The following THBS3 variants were observed in gnomAD, a reference collection of about 807,000 sequenced individuals.
THBS3 encodes thrombospondin 3.
THBS3 carries 78 observed loss-of-function variants against 118.3 expected under a neutral mutation model. That is an observed-to-expected ratio of 0.66 (90% confidence interval 0.55 to 0.80). The LOEUF is 0.80. Among genes scored for constraint, THBS3 ranks in the 30% least tolerant of loss-of-function variants. The pLI is 0.00. For missense variants in THBS3, 1,057 were observed against 1,247.4 expected (o/e 0.85, Z 2.30); for synonymous variants, 427 against 475.3 (o/e 0.90, Z 1.32).
rs763010379 is a variant in THBS3 at position 155,200,070 on chromosome 1, T to C, written c.1752A>G (p.Pro584=). The C allele has an allele frequency of 3.1e-6, 5 of 1,597,728 alleles. No individual in the cohort carries two copies. The highest frequency in any genetic ancestry group is 4.3e-6 in the Non-Finnish European group (5 of 1,171,758). The change falls in exon 15 of 23, where the codon CCA becomes CCG. Residue 584 remains proline, a synonymous_variant. Transcript: ENST00000368378. ...GLDNCPKVPN[P]LQTDRDEDGV... is the part of the protein sequence containing the mutation. ...CGTCCTCATCCCTGTCTGTCTGTAG[T>C]GGGTTGGGGACTTTAGGGCAATTGT...
chr1:155,200,997 CA>C lies in THBS3; in HGVS notation c.1447del (p.Cys483AlafsTer3). 1 of 1,614,202 alleles carries C rather than the reference CA, an allele frequency of 6.2e-7. No individual in the cohort carries two copies. The highest frequency in any genetic ancestry group is 8.5e-7 in the Non-Finnish European group (1 of 1,180,046). On this transcript the variant is annotated frameshift_variant, in exon 13 of 23. Coordinates refer to ENST00000368378, the MANE Select transcript of THBS3 (RefSeq NM_007112.5). LOFTEE classifies it high-confidence loss of function. The stretch of plus-strand genomic sequence containing the variant: ...CTGCCCAGAGTTGGGTGTCAAAAGG[CA>C]GTTGTCCTAAAGTTCAGGGGAAGAG... The part of the protein sequence containing the change: ...DNNKHCKQDN[C>X]LLTPNSGQED...
In THBS3 at chr1:155,197,099, G is replaced by A. The variant is rs753293299; in HGVS notation, c.2614C>T (p.Arg872Trp). 14 of 1,614,018 alleles carry A rather than the reference G, an allele frequency of 8.7e-6. No individual in the cohort carries two copies. Among genetic ancestry groups the A allele is most frequent in the Non-Finnish European group, 1.2e-5 (14 of 1,180,030 alleles). The change falls in exon 21 of 23, where the codon CGG (arginine) becomes TGG (tryptophan). Residue 872 changes from arginine (R) to tryptophan (W), a missense_variant. Physicochemically the swap from Arg to Trp is moderately radical, Grantham distance 101. Transcript: ENST00000368378. The surrounding 1 kb of genome is among the most constrained non-coding windows in gnomAD (Gnocchi z 5.0). ...TGCCAGCGATAGGAGGTCTTGTCCC[G>A]CCAGCCCACATTTCGTGGGTCTGTC... is the stretch of plus-strand genomic sequence containing the variant. ...LWTDPRNVGW[R>W]DKTSYRWQLL...
intron 4 of THBS3, 80 bp from the exon 5 acceptor site, chr1:155,203,619 G>C: frequency 3.3e-6 from 5 of 1,538,348 alleles, no homozygotes; most frequent in Non-Finnish European, 4.5e-6. Flanking sequence ...AGGAAGGAAG[G>C]TGAGGACAGG....
chr1:155,208,698 C>G, upstream of THBS3: 2 of 1,218,748 alleles, frequency 1.6e-6, no homozygotes, highest in Non-Finnish European at 2.2e-6. Context: ...CTCCCCCACC[C>G]AAGCCCCAGC....
chr1:155,209,000 C>T (rs1307007028), upstream of THBS3: 7 of 1,595,018 alleles, frequency 4.4e-6, no homozygotes, highest in East Asian at 1.6e-4. Context: ...CTCTCCGAGG[C>T]GCGCCGGGCC....
At position 155,197,816 on chromosome 1, in the gene THBS3, C is replaced by T; in HGVS notation, c.2302+64G>A. On this transcript the variant is annotated intron_variant, in intron 19 of 22. Coordinates refer to ENST00000368378, the MANE Select transcript of THBS3 (RefSeq NM_007112.5). The surrounding 1 kb of genome is among the most constrained non-coding windows in gnomAD (Gnocchi z 5.0). ...CCATTCTCCCTGTCTGTTTCCTCCCCTACCCTCTGCCCCTATAGGATTCCT... is the reference window on the plus strand; with the variant it reads ...CCATTCTCCCTGTCTGTTTCCTCCCTTACCCTCTGCCCCTATAGGATTCCT... 3 of 1,611,000 alleles carry T rather than the reference C, an allele frequency of 1.9e-6. No homozygotes were observed.
chr1:155,196,174 G>C (rs776414189), intron 21 of THBS3, 48 bp from the exon 22 acceptor site: 1 of 1,607,118 alleles, frequency 6.2e-7, no homozygotes, highest in Non-Finnish European at 8.5e-7. Flanking sequence ...TAGGGTGCCA[G>C]TGGGCACTGT....
chr1:155,201,511 C>A lies in THBS3; in HGVS notation c.1235G>T (p.Cys412Phe). The A allele has an allele frequency of 6.2e-7, 1 of 1,613,898 alleles. No homozygotes were observed. The highest frequency in any genetic ancestry group is 1.1e-5 in the South Asian group (1 of 91,060). Residue 412 changes from cysteine (C) to phenylalanine (F), a missense_variant, in exon 11 of 23, where the codon TGC becomes TTC. Physicochemically the swap from Cys to Phe is radical, Grantham distance 205. Coordinates refer to ENST00000368378, the MANE Select transcript of THBS3 (RefSeq NM_007112.5). ...GCTGTGGCAGGTCCGGGCTGGGAGG[C>A]AGCCCTGGCTCTGGTTGCCCAGGAA... ...LGFLGNQSQG[C>F]LPARTCHSPA... is the part of the protein sequence containing the mutation.
At position 155,199,988 on chromosome 1, in the gene THBS3, C is replaced by T. The variant is rs751869098; in HGVS notation, c.1827+7G>A. 1.3e-6 allele frequency: 2 copies of T among 1,599,668 alleles called. No individual in the cohort carries two copies. The highest frequency in any genetic ancestry group is 1.7e-6 in the Non-Finnish European group (2 of 1,172,076). On this transcript the variant is annotated splice_region_variant and intron_variant, in intron 15 of 22. Coordinates refer to ENST00000368378, the MANE Select transcript of THBS3 (RefSeq NM_007112.5). ...ATCCCTCCCCTGTCCTTACCATCTC[C>T]CTGTACCTGGGTAGGATTGCTCATT...
chr1:155,203,618 G>T, intron 4 of THBS3, 79 bp from the exon 5 acceptor site: 1 of 1,547,046 alleles, frequency 6.5e-7, no homozygotes, highest in Non-Finnish European at 8.9e-7. Flanking sequence ...GAGGAAGGAA[G>T]GTGAGGACAG....
At chr1:155,209,033 G>C, upstream of THBS3, 1 of 1,562,862 alleles carries the variant, frequency 6.4e-7, no homozygotes, top group East Asian at 2.4e-5. Flanking sequence ...CCGCTACGTG[G>C]GCCACCTCTG....
rs749078098 is a variant in THBS3 at position 155,203,520 on chromosome 1, G to C, written c.666C>G (p.Ser222=). The part of the protein sequence containing the change: ...IHSAVTNALH[S]ILGEQTKALV... ...TCAGTGTGGCCTACTCACCTAGAAT[G>C]GAGTGCAGTGCATTGGTCACTGGAG... Residue 222 remains serine (S), a synonymous_variant, in exon 5 of 23, where the codon TCC becomes TCG. Transcript: ENST00000368378. 5.0e-6 allele frequency: 8 copies of C among 1,613,648 alleles called. No individual in the cohort carries two copies. Among genetic ancestry groups the C allele is most frequent in the Non-Finnish European group, 5.9e-6 (7 of 1,179,966 alleles).
rs914982702 is a variant in THBS3, at chr1:155,198,276, C to A, written c.2075-56G>T. The A allele has an allele frequency of 2.5e-6, 4 of 1,602,834 alleles. No individual in the cohort carries two copies. In the African/African-American group the frequency reaches 5.3e-5, roughly 21 times the overall value. On this transcript the variant is annotated intron_variant, in intron 17 of 22. Transcript: ENST00000368378. ...GGCCCTGGCCACTGCCATTAGGCAA[C>A]AATACCATCTGTTGGGCCTGCATTC...
At chr1:155,208,709 CCGGCCTCCGCT>C, upstream of THBS3, 2 of 1,294,760 alleles carry the variant, frequency 1.5e-6, no homozygotes, top group Non-Finnish European at 2.0e-6. Context: ...AAGCCCCAGC[CCGGCCTCCGCT>C]CCGGCCGCCG....
Position 155,202,257 on chromosome 1 carries a change from T to C in THBS3, c.1098+4A>G, listed in dbSNP as rs779846640. On this transcript the variant is annotated splice_donor_region_variant and intron_variant, in intron 9 of 22. Transcript: ENST00000368378. This position sits in a 1 kb window ranked among gnomAD's most constrained non-coding sequence, Gnocchi z 5.5. ...CCTTGTCCACACACACTACCCAGTC[T>C]GACCTGTTTGCTGGCCCGGGCATAG... 6.2e-7 allele frequency: 1 copy of C among 1,613,680 alleles called. No homozygotes were observed. The highest frequency in any genetic ancestry group is 8.5e-7 in the Non-Finnish European group (1 of 1,179,752).
intron 7 of THBS3, 60 bp downstream of exon 7, chr1:155,203,026 A>C: frequency 1.9e-6 from 3 of 1,613,802 alleles, no homozygotes; most frequent in Non-Finnish European, 2.5e-6. Flanking sequence ...GGGAAAGCCA[A>C]AGCCATTGGG....
At position 155,203,426 on chromosome 1, in the gene THBS3, G is replaced by C. The variant is rs986982613; in HGVS notation, c.673+87C>G. 8.2e-5 allele frequency: 131 copies of C among 1,592,848 alleles called. No individual in the cohort carries two copies. The Admixed American group carries it at 2.3e-3, about 28-fold the overall frequency. On this transcript the variant is annotated intron_variant, in intron 5 of 22. Transcript: ENST00000368378. ...CTGCCTTTAAACCTACTACATTCCT[G>C]ACTGAAGAGGACTTAGTTTCAGGCA... is the stretch of plus-strand genomic sequence containing the variant.
At chr1:155,208,766 G>T, upstream of THBS3, 1 of 1,452,172 alleles carries the variant, frequency 6.9e-7, no homozygotes. Flanking sequence ...GCGACAGGCG[G>T]CGCAGGGCCC....
rs771832849 is a variant in THBS3 at position 155,206,346 on chromosome 1, C to T, written c.140G>A (p.Arg47Gln). ...RQMVAVAEKI[R>Q]TALLTAGDIY... is the part of the protein sequence containing the mutation. ...GTCCCCAGCAGTGAGCAAGGCTGTC[C>T]GGATCTTCTCTGCCACAGCTACCAT... is the stretch of plus-strand genomic sequence containing the variant. The change falls in exon 2 of 23, where the codon CGG becomes CAG. Residue 47 changes from arginine (R) to glutamine (Q), a missense_variant. Coordinates refer to ENST00000368378, the MANE Select transcript of THBS3 (RefSeq NM_007112.5). The surrounding 1 kb of genome is among the most constrained non-coding windows in gnomAD (Gnocchi z 4.2). The T allele has an allele frequency of 1.3e-5, 21 of 1,613,942 alleles. No individual in the cohort carries two copies. The highest frequency in any genetic ancestry group is 2.2e-5 in the East Asian group (1 of 44,902).
Sources: gnomAD v4.1 joint callset for allele counts on GRCh38, gnomAD v4.1.1 for gene constraint, Gnocchi (gnomAD v3.1) non-coding constraint, MANE v1.5 for transcripts, NCBI Gene and HGNC (gene_info 2026-07-23, HGNC 2026-07-21) for gene names.